Variants in ANKS6 observed in about 807,000 individuals in gnomAD.
ANKS6 encodes ankyrin repeat and SAM domain-containing protein 6.
ANKS6 carries 47 observed loss-of-function variants against 77.9 expected under a neutral mutation model. The observed-to-expected ratio is 0.60, with a 90% confidence interval of 0.48 to 0.77. The LOEUF is 0.77. Among genes scored for constraint, ANKS6 ranks in the 30% least tolerant of loss-of-function variants. ANKS6 has a pLI of 0.00. For missense variants in ANKS6, 1,150 were observed against 1,159.1 expected (o/e 0.99, Z 0.11); for synonymous variants, 488 against 501.7 (o/e 0.97, Z 0.37).
At chr9:98,740,738 T>C (rs550565130) in intron 14 of ANKS6, among the ~76,000 whole-genome samples, 4 of 152,318 alleles carry the variant, frequency 2.6e-5, no homozygotes, top group South Asian at 2.1e-4. Flanking sequence ...ATAACAATAA[T>C]TGCCCTTTAA....
At chr9:98,765,621 G>T (rs1433568816) in intron 11 of ANKS6, among the ~76,000 whole-genome samples, 1 of 152,176 alleles carries the variant, frequency 6.6e-6, no homozygotes, top group East Asian at 1.9e-4. Flanking sequence ...AAGCAGCTAA[G>T]TAATGTTTTT....
At chr9:98,742,634 C>T (rs1236091180) in intron 14 of ANKS6, among the ~76,000 whole-genome samples, 4 of 152,136 alleles carry the variant, frequency 2.6e-5, no homozygotes, top group African/African-American at 4.8e-5. Context: ...GTGGAACTGC[C>T]TGACTTTGCA....
At position 98,777,836 on chromosome 9, in the gene ANKS6, T is replaced by C. The variant is rs368182412; in HGVS notation, c.1568-382A>G. 9.1e-4 allele frequency among the ~76,000 whole-genome samples: 139 copies of C among 152,324 alleles called. 1 individual carries two copies. The highest frequency in any genetic ancestry group is 3.0e-3 in the African/African-American group (126 of 41,572). On this transcript the variant is annotated intron_variant, in intron 7 of 14. Transcript: ENST00000353234. ...AAAGTTATCCAAGCTGTTGAATACC[T>C]TGAGTGACGGGGAGCTCACTACTCA... is the stretch of plus-strand genomic sequence containing the variant.
intron 3 of ANKS6, 138 bp from the exon 4 acceptor site, chr9:98,784,295 A>T (rs1448761109): frequency 2.8e-6 from 2 of 723,532 alleles, no homozygotes; most frequent in Admixed American, 3.6e-5. Flanking sequence ...GGGGATACTA[A>T]GAGGGCGTCA....
intron 9 of ANKS6, among the ~76,000 whole-genome samples, chr9:98,772,836 A>G (rs928710316): frequency 6.6e-6 from 1 of 152,068 alleles, no homozygotes; most frequent in African/African-American, 2.4e-5. Context: ...CCTACCACAC[A>G]CGGTCACCTC....
rs1833411248 is a variant in ANKS6, at chr9:98,768,198, T to C, written c.2025A>G (p.Ala675=). 20 of 1,614,194 alleles carry C rather than the reference T, an allele frequency of 1.2e-5. No individual in the cohort carries two copies. Among genetic ancestry groups the C allele is most frequent in the Non-Finnish European group, 1.6e-5 (19 of 1,180,052 alleles). Residue 675 remains alanine, a synonymous_variant, in exon 11 of 15, where the codon GCA becomes GCG. Transcript: ENST00000353234. The part of the protein sequence containing the change: ...LSQIAAQRKK[A]AGLLEQKPSH... ...TGGGTTTCTGCTCCAATAATCCGGC[T>C]GCTTTTTTCCTCTGGGCAGCGATTT...
chr9:98,761,777 T>C (rs1002840382), intron 11 of ANKS6, among the ~76,000 whole-genome samples: 1 of 152,192 alleles, frequency 6.6e-6, no homozygotes, highest in African/African-American at 2.4e-5. Context: ...GTTCCACTGA[T>C]CTATTTGTCT....
At chr9:98,757,264 G>A (rs1832764231) in intron 11 of ANKS6, among the ~76,000 whole-genome samples, 1 of 152,070 alleles carries the variant, frequency 6.6e-6, no homozygotes, top group Non-Finnish European at 1.5e-5. Flanking sequence ...CTGTTTCCCT[G>A]GCTGTTTTGC....
At chr9:98,773,496 G>A (rs1213931549) in intron 9 of ANKS6, among the ~76,000 whole-genome samples, 1 of 152,180 alleles carries the variant, frequency 6.6e-6, no homozygotes, top group Non-Finnish European at 1.5e-5. Context: ...CAGAGTTGCC[G>A]CTGAGTGTTT....
Position 98,756,555 on chromosome 9 carries a change from T to A in ANKS6, c.2191A>T (p.Lys731Ter). Reference protein sequence around the residue: ...RPPSGTSTTSKSTSPTLTPSP... With the variant: ...RPPSGTSTTS ...GGCGTGAGGGTTGGAGAGGTGCTCT[T>A]GGAGGTAGTGGAAGTTCCAGATGGA... The change falls in exon 12 of 15, where the codon AAG (lysine) becomes TAG (stop). Residue 731 changes from lysine to a stop codon, truncating the protein, a stop_gained. Transcript: ENST00000353234. LOFTEE classifies it high-confidence loss of function. 6.4e-7 allele frequency: 1 copy of A among 1,573,076 alleles called. No homozygotes were observed. Among genetic ancestry groups the A allele is most frequent in the Non-Finnish European group, 8.6e-7 (1 of 1,162,604 alleles).
intron 14 of ANKS6, among the ~76,000 whole-genome samples, chr9:98,742,646 G>C (rs1831899693): frequency 6.6e-6 from 1 of 152,122 alleles, no homozygotes; most frequent in Non-Finnish European, 1.5e-5. Flanking sequence ...GACTTTGCAG[G>C]GTGGATGCTG....
At position 98,736,200 on chromosome 9, in the gene ANKS6, C is replaced by A; in HGVS notation, c.*319G>T. The A allele has an allele frequency of 8.4e-7, 1 of 1,184,908 alleles. No homozygotes were observed. Among genetic ancestry groups the A allele is most frequent in the South Asian group, 3.5e-5 (1 of 28,508 alleles). The allele number at this position is 1,184,908 out of a possible 1,614,324, so 73.4% of individuals were successfully genotyped here. ...ATCGTCCCTTTCCCTTGCCGCCAGCCAGAAGCAAACTCTGAGGCTCCCGGG... is the reference window on the plus strand; with the variant it reads ...ATCGTCCCTTTCCCTTGCCGCCAGCAAGAAGCAAACTCTGAGGCTCCCGGG... On this transcript the variant is annotated 3_prime_UTR_variant, in exon 15 of 15. Coordinates refer to ENST00000353234, the MANE Select transcript of ANKS6 (RefSeq NM_173551.5).
intron 6 of ANKS6, among the ~76,000 whole-genome samples, chr9:98,778,653 G>A (rs999242630): frequency 6.6e-6 from 1 of 152,158 alleles, no homozygotes; most frequent in African/African-American, 2.4e-5. Flanking sequence ...CAATAGCCTG[G>A]AGGTGGCAGT....
chr9:98,732,831 TAAAAACAG>T lies in ANKS6; in HGVS notation c.*3680_*3687del. ...GTTGCTTCTACTCATTTTAAAGGAC[TAAAAACAG>T]AAAAACAGGCACCCAACTGACCCTT... On this transcript the variant is annotated 3_prime_UTR_variant, in exon 15 of 15. Coordinates refer to ENST00000353234, the MANE Select transcript of ANKS6 (RefSeq NM_173551.5). 1 of 1,246,514 alleles carries T rather than the reference TAAAAACAG, an allele frequency of 8.0e-7. No individual in the cohort carries two copies. Among genetic ancestry groups the T allele is most frequent in the Non-Finnish European group, 1.0e-6 (1 of 991,724 alleles). 77.2% of individuals were successfully genotyped at this position (1,246,514 alleles called of 1,614,324 possible).
chr9:98,742,244 C>T (rs1831876867), intron 14 of ANKS6, among the ~76,000 whole-genome samples: 1 of 152,158 alleles, frequency 6.6e-6, no homozygotes, highest in Non-Finnish European at 1.5e-5. Context: ...GAAGTTCATG[C>T]CCTATAGCAA....
chr9:98,796,183 C>T lies in ANKS6; in HGVS notation c.309G>A (p.Ser103=). The change falls in exon 1 of 15, where the codon TCG becomes TCA. Residue 103 remains serine (S), a synonymous_variant. Coordinates refer to ENST00000353234, the MANE Select transcript of ANKS6 (RefSeq NM_173551.5). ...LVRFLLRRGA[S]VNSRNHYGWS... ...AGCCGTAGTGGTTGCGGCTGTTGACCGAGGCACCGCGGCGCAGCAGGAAGC... is the reference window on the plus strand; with the variant it reads ...AGCCGTAGTGGTTGCGGCTGTTGACTGAGGCACCGCGGCGCAGCAGGAAGC... The T allele has an allele frequency of 7.1e-7, 1 of 1,415,726 alleles. No homozygotes were observed. The allele number at this position is 1,415,726 out of a possible 1,614,324, so 87.7% of individuals were successfully genotyped here.
intron 2 of ANKS6, among the ~76,000 whole-genome samples, chr9:98,787,085 G>A (rs1489467412): frequency 6.6e-6 from 1 of 152,206 alleles, no homozygotes; most frequent in Non-Finnish European, 1.5e-5. Context: ...TGCTGCTAAT[G>A]AAAGGCAGAG....
Position 98,784,341 on chromosome 9 carries a change from C to T in ANKS6, c.908-184G>A, listed in dbSNP as rs180820835. The T allele has an allele frequency of 1.3e-3, 670 of 514,848 alleles. 4 individuals are homozygous for T. The highest frequency in any genetic ancestry group is 3.5e-3 in the Middle Eastern group (7 of 2,026). 31.9% of individuals were successfully genotyped at this position (514,848 alleles called of 1,614,324 possible). ...CGACTCTTAAATGCCTCAGTCTAGGCGAGACAGAGACAAACACACGAATGG... is the reference window on the plus strand; with the variant it reads ...CGACTCTTAAATGCCTCAGTCTAGGTGAGACAGAGACAAACACACGAATGG... On this transcript the variant is annotated intron_variant, in intron 3 of 14. Transcript: ENST00000353234.
chr9:98,787,297 G>A (rs1277485084), intron 2 of ANKS6, among the ~76,000 whole-genome samples: 2 of 151,542 alleles, frequency 1.3e-5, no homozygotes, highest in African/African-American at 2.4e-5. Flanking sequence ...CCTTCTCAAG[G>A]TTGCCCAACC....
Sources: allele counts gnomAD v4.1 joint callset (sites outside exome capture counted in the v4.1 genomes callset), GRCh38; gene constraint gnomAD v4.1.1; transcripts MANE v1.5; gene names NCBI Gene and HGNC (gene_info 2026-07-23, HGNC 2026-07-21).